STK39: variants seen among roughly 807,000 people sequenced by gnomAD.
The protein encoded by STK39 is STE20/SPS1-related proline-alanine-rich protein kinase.
STK39 carries 20 observed loss-of-function variants against 77.8 expected under a neutral mutation model. The observed-to-expected ratio is 0.26, with a 90% CI of 0.18 to 0.37. STK39 has a LOEUF of 0.37. Among genes scored for constraint, STK39 ranks in the 10% least tolerant of loss-of-function variants. STK39 has a pLI of 1.00. For missense variants in STK39, 479 were observed against 656.5 expected (o/e 0.73, Z 2.95); for synonymous variants, 246 against 234.1 (o/e 1.05, Z -0.47).
chr2:168,175,362 T>C (rs1316216335), intron 2 of STK39, among the ~76,000 whole-genome samples: 1 of 152,184 alleles, frequency 6.6e-6, no homozygotes, highest in African/African-American at 2.4e-5. Context: ...TCCCTGTTAC[T>C]GAAAACATAT....
At chr2:168,190,580 C>T (rs1422730063) in intron 1 of STK39, among the ~76,000 whole-genome samples, 26 of 152,098 alleles carry the variant, frequency 1.7e-4, no homozygotes, top group Admixed American at 1.6e-3. Context: ...ATGTGGCAGG[C>T]TAATATAAAC....
chr2:168,052,772 T>C (rs1052310351), intron 14 of STK39, among the ~76,000 whole-genome samples: 4 of 152,230 alleles, frequency 2.6e-5, no homozygotes, highest in African/African-American at 9.6e-5. Context: ...AAGGGAGGAT[T>C]CTTTAAAGAA....
At chr2:168,063,275 G>A (rs891799012) in intron 14 of STK39, among the ~76,000 whole-genome samples, 1 of 152,174 alleles carries the variant, frequency 6.6e-6, no homozygotes, top group African/African-American at 2.4e-5. Context: ...AAGGTACACT[G>A]AGCCTGCAGA....
At position 168,170,566 on chromosome 2, in the gene STK39, G is replaced by T. The variant is rs887513568; in HGVS notation, c.322-3159C>A. Reference sequence around the variant, plus strand: ...TCGGAAGGGCTGCAGTGCGGCCTGAGAATCTGCATTTCTAGCAGGCTTCCA... The same window carrying T: ...TCGGAAGGGCTGCAGTGCGGCCTGATAATCTGCATTTCTAGCAGGCTTCCA... On this transcript the variant is annotated intron_variant, in intron 2 of 17. Transcript: ENST00000355999. 7.9e-5 allele frequency among the ~76,000 whole-genome samples: 12 copies of T among 152,214 alleles called. 1 individual carries two copies. Among genetic ancestry groups the T allele is most frequent in the Non-Finnish European group, 1.3e-4 (9 of 68,046 alleles).
chr2:168,013,980 G>A (rs1303982926), intron 15 of STK39, among the ~76,000 whole-genome samples: 1 of 152,120 alleles, frequency 6.6e-6, no homozygotes, highest in Non-Finnish European at 1.5e-5. Flanking sequence ...TGATGCAGCA[G>A]CCAAAGATCA....
chr2:168,155,710 A>G (rs1688410048), intron 5 of STK39, among the ~76,000 whole-genome samples: 1 of 152,186 alleles, frequency 6.6e-6, no homozygotes, highest in Non-Finnish European at 1.5e-5. Flanking sequence ...CCAAAATCAG[A>G]AGTGATATTC....
At chr2:168,201,645 T>G (rs11893728) in intron 1 of STK39, among the ~76,000 whole-genome samples, 1,847 of 152,312 alleles carry the variant, frequency 0.012, 38 homozygotes, top group African/African-American at 0.042. Flanking sequence ...CGGCCATTTT[T>G]CATCCCATTC....
At chr2:168,247,165 G>A in intron 1 of STK39, 63 bp downstream of exon 1, 4 of 1,044,824 alleles carry the variant, frequency 3.8e-6, no homozygotes, top group South Asian at 3.6e-5. Flanking sequence ...AGCATCCCGC[G>A]CCCCCTCCCG....
chr2:168,102,348 G>A (rs1386302046), intron 10 of STK39, among the ~76,000 whole-genome samples: 1 of 152,062 alleles, frequency 6.6e-6, no homozygotes, highest in African/African-American at 2.4e-5. Flanking sequence ...TGCCATCCTA[G>A]CGGGTATGAG....
intron 14 of STK39, among the ~76,000 whole-genome samples, chr2:168,061,256 A>C (rs1018701990): frequency 2.0e-5 from 3 of 151,814 alleles, no homozygotes; most frequent in African/African-American, 4.8e-5. Flanking sequence ...AAAAAAAAAA[A>C]CCACATTATC....
intron 10 of STK39, among the ~76,000 whole-genome samples, chr2:168,124,096 G>A (rs373277088): frequency 1.4e-4 from 22 of 152,200 alleles, no homozygotes; most frequent in South Asian, 1.0e-3. Flanking sequence ...ACTTCACAGC[G>A]GTTCCATCCA....
intron 14 of STK39, among the ~76,000 whole-genome samples, chr2:168,027,256 C>T (rs1265136187): frequency 6.6e-6 from 1 of 152,148 alleles, no homozygotes; most frequent in African/African-American, 2.4e-5. Flanking sequence ...GGGCCATATG[C>T]TCCAAGGCTG....
intron 14 of STK39, among the ~76,000 whole-genome samples, chr2:168,062,737 C>T (rs537821588): frequency 1.3e-5 from 2 of 152,116 alleles, no homozygotes; most frequent in Middle Eastern, 3.2e-3. Context: ...AGTATATGCA[C>T]GTGCTTTATT....
intron 2 of STK39, among the ~76,000 whole-genome samples, chr2:168,179,388 T>C (rs1176145947): frequency 6.6e-6 from 1 of 152,200 alleles, no homozygotes; most frequent in Non-Finnish European, 1.5e-5. Context: ...CTATACTCTG[T>C]AAATTCTATT....
chr2:168,247,513 GACA>G lies in STK39; in HGVS notation c.-81_-79del. On this transcript the variant is annotated 5_prime_UTR_variant, in exon 1 of 18. Coordinates refer to ENST00000355999, the MANE Select transcript of STK39 (RefSeq NM_013233.3). ...TTGAAACTTCCTTTGCCTCGCCGCC[GACA>G]CCTCTCGGCCGGCGCACGCCCTCCC... The G allele has an allele frequency of 9.2e-7, 1 of 1,087,052 alleles. No homozygotes were observed. The allele number at this position is 1,087,052 out of a possible 1,614,324, so 67.3% of individuals were successfully genotyped here. A position where few individuals can be genotyped will look rare whatever the true frequency, so the allele number is the denominator to read the frequency against.
intron 2 of STK39, among the ~76,000 whole-genome samples, chr2:168,173,124 A>G (rs568221677): frequency 6.6e-6 from 1 of 152,330 alleles, no homozygotes; most frequent in South Asian, 2.1e-4. Flanking sequence ...AGAAACATGT[A>G]GCTCCCAGGC....
intron 10 of STK39, among the ~76,000 whole-genome samples, chr2:168,100,981 G>T (rs1686808221): frequency 6.6e-6 from 1 of 152,182 alleles, no homozygotes. Context: ...TGACAGACTG[G>T]TTAAAGAAAA....
At chr2:168,057,890 A>G (rs549736601) in intron 14 of STK39, among the ~76,000 whole-genome samples, 2 of 152,178 alleles carry the variant, frequency 1.3e-5, no homozygotes, top group South Asian at 4.2e-4. Flanking sequence ...CCTTTCTCCT[A>G]TCTAACAGAT....
intron 14 of STK39, among the ~76,000 whole-genome samples, chr2:168,059,714 T>C (rs2105378682): frequency 6.6e-6 from 1 of 152,290 alleles, no homozygotes; most frequent in South Asian, 2.1e-4. Flanking sequence ...AATAAATGGG[T>C]GCTGTTCTAA....
Sources: gnomAD v4.1 joint callset for allele counts (sites outside exome capture counted in the v4.1 genomes callset) on GRCh38, gnomAD v4.1.1 for gene constraint, MANE v1.5 for transcripts, NCBI Gene and HGNC (gene_info 2026-07-23, HGNC 2026-07-21) for gene names.